WDFY4: variants seen among roughly 807,000 people sequenced by gnomAD.
WDFY4 encodes the protein WDFY family member 4.
Under a neutral mutation model 351.9 loss-of-function variants are expected in WDFY4, and 169 were observed. The observed-to-expected ratio is 0.48, with a 90% CI of 0.42 to 0.55. The LOEUF (loss-of-function observed/expected upper bound fraction) is 0.55. Among genes scored for constraint, WDFY4 ranks in the 20% least tolerant of loss-of-function variants. WDFY4 has a pLI of 0.00. For missense variants in WDFY4, 3,803 were observed against 3,935.6 expected, an observed-to-expected ratio of 0.97 and a Z score of 0.90; for synonymous variants, 1,622 against 1,574.6, an observed-to-expected ratio of 1.03 and a Z score of -0.71.
intron 23 of WDFY4, 58 bp downstream of exon 23, chr10:48,790,975 A>T: frequency 2.0e-6 from 3 of 1,529,920 alleles, no homozygotes; most frequent in Non-Finnish European, 2.7e-6. Context: ...ATCCCTGGGA[A>T]ACAGGGACAA....
Position 48,774,589 on chromosome 10 carries a change from C to A in WDFY4, c.2685C>A (p.Val895=). Residue 895 remains valine (V), a synonymous_variant, in exon 14 of 62, where the codon GTC becomes GTA. Transcript: ENST00000325239. ...TLMASCHRAL[V]TSGSPLHSRL... is the part of the protein sequence containing the mutation. ...TGGCCTCCTGCCACAGGGCCCTGGTCACCAGTGGCAGCCCCCTCCACTCAC... is the reference window on the plus strand; with the variant it reads ...TGGCCTCCTGCCACAGGGCCCTGGTAACCAGTGGCAGCCCCCTCCACTCAC... 6.4e-7 allele frequency: 1 copy of A among 1,551,660 alleles called. No individual in the cohort carries two copies. The highest frequency in any genetic ancestry group is 1.4e-5 in the African/African-American group (1 of 73,192).
intron 47 of WDFY4, among the ~76,000 whole-genome samples, chr10:48,912,643 G>A (rs1838112717): frequency 6.6e-6 from 1 of 152,214 alleles, no homozygotes; most frequent in Non-Finnish European, 1.5e-5. Context: ...GTAAGGTGTT[G>A]ATTTATTGAA....
At chr10:48,966,418 C>A (rs1213969257) in intron 54 of WDFY4, 108 bp from the exon 55 acceptor site, 2 of 1,265,102 alleles carry the variant, frequency 1.6e-6, no homozygotes, top group East Asian at 2.7e-5. Flanking sequence ...CAGGAACAAG[C>A]CGAGCTGTGG....
intron 12 of WDFY4, among the ~76,000 whole-genome samples, chr10:48,754,146 G>A (rs902825953): frequency 6.6e-6 from 1 of 151,534 alleles, no homozygotes; most frequent in African/African-American, 2.4e-5. Flanking sequence ...CTTTTAATAT[G>A]CTGTTGAATT....
chr10:48,799,666 G>A (rs534910023), intron 24 of WDFY4, among the ~76,000 whole-genome samples: 4 of 152,050 alleles, frequency 2.6e-5, no homozygotes, highest in Admixed American at 6.5e-5. Context: ...CCAGCTAGTC[G>A]GGAGGCTGAG....
chr10:48,916,235 A>G (rs1035293099), intron 47 of WDFY4, among the ~76,000 whole-genome samples: 1 of 152,202 alleles, frequency 6.6e-6, no homozygotes, highest in Non-Finnish European at 1.5e-5. Context: ...GGCAGCCCAG[A>G]ACACAAAACT....
chr10:48,878,187 C>T (rs986768460), intron 43 of WDFY4: 2 of 152,326 alleles, frequency 1.3e-5, no homozygotes, highest in Non-Finnish European at 2.9e-5. Flanking sequence ...CTCAGGGTCT[C>T]TGGGTGAATC....
intron 2 of WDFY4, 143 bp from the exon 3 acceptor site, chr10:48,719,867 TG>T (rs2064023076): frequency 4.5e-6 from 3 of 659,988 alleles, no homozygotes; most frequent in Admixed American, 2.3e-5. Flanking sequence ...GCTGTGAGGG[TG>T]GGTGACGTGG....
At chr10:48,982,332 C>G (rs1034583956) in intron 61 of WDFY4, among the ~76,000 whole-genome samples, 177 bp from the exon 62 acceptor site, 4 of 152,060 alleles carry the variant, frequency 2.6e-5, no homozygotes, top group Non-Finnish European at 5.9e-5. Flanking sequence ...TTTCCCCTCC[C>G]CCAGGTGGAA....
intron 1 of WDFY4, among the ~76,000 whole-genome samples, chr10:48,699,094 A>T (rs1462819193): frequency 3.3e-5 from 5 of 152,210 alleles, no homozygotes; most frequent in Non-Finnish European, 7.3e-5. Context: ...ACAGACAGCC[A>T]CGCTCACCTG....
intron 13 of WDFY4, 110 bp downstream of exon 13, chr10:48,760,550 C>T (rs1481389765): frequency 4.7e-6 from 5 of 1,062,756 alleles, no homozygotes; most frequent in East Asian, 2.6e-5. Flanking sequence ...CAGTGCCCTG[C>T]GTTAGCAGAG....
At chr10:48,969,277 C>T (rs1045551395) in intron 56 of WDFY4, 29 bp downstream of exon 56, 1 of 1,547,086 alleles carries the variant, frequency 6.5e-7, no homozygotes, top group Non-Finnish European at 8.7e-7. Flanking sequence ...GCAGGGGCAG[C>T]CTCAGGACCT....
intron 47 of WDFY4, chr10:48,913,704 A>C: frequency 6.2e-7 from 1 of 1,612,088 alleles, no homozygotes; most frequent in Non-Finnish European, 8.5e-7. Flanking sequence ...GTTGTCATGG[A>C]GCCCTACCTC....
At chr10:48,813,922 G>A (rs759010236) in intron 30 of WDFY4, 35 bp from the exon 31 acceptor site, 55 of 1,475,774 alleles carry the variant, frequency 3.7e-5, no homozygotes, top group African/African-American at 2.1e-4. Context: ...GTGAGTAGCC[G>A]CAGGTCTGCT....
At chr10:48,929,399 C>G (rs1294262272) in intron 47 of WDFY4, among the ~76,000 whole-genome samples, 1 of 152,154 alleles carries the variant, frequency 6.6e-6, no homozygotes. Flanking sequence ...CTATTGTGTC[C>G]TGGACTCCAT....
intron 13 of WDFY4, 122 bp from the exon 14 acceptor site, chr10:48,774,336 G>T (rs1033028313): frequency 1.0e-6 from 1 of 983,390 alleles, no homozygotes; most frequent in Admixed American, 2.0e-5. Context: ...TAGTGGGGAT[G>T]GGGTATGGTG....
intron 2 of WDFY4, among the ~76,000 whole-genome samples, chr10:48,719,465 T>C (rs1235103971): frequency 6.6e-6 from 1 of 152,182 alleles, no homozygotes; most frequent in Non-Finnish European, 1.5e-5. Context: ...CTGCTCAACT[T>C]TGTCTGGAAG....
At chr10:48,787,901 TTCTTCTTC>T in intron 20 of WDFY4, among the ~76,000 whole-genome samples, 1 of 31,048 alleles carries the variant, frequency 3.2e-5, no homozygotes, top group South Asian at 1.2e-3. Flanking sequence ...CTCCTTCTTC[TTCTTCTTC>T]TTCTTCTTCT....
intron 22 of WDFY4, 109 bp from the exon 23 acceptor site, chr10:48,790,618 G>C: frequency 7.8e-7 from 1 of 1,278,780 alleles, no homozygotes. Context: ...CTCTGGCTGT[G>C]GATGGATGGT....
Sources: allele counts gnomAD v4.1 joint callset (sites outside exome capture counted in the v4.1 genomes callset), GRCh38; gene constraint gnomAD v4.1.1; transcripts MANE v1.5; gene names NCBI Gene and HGNC (gene_info 2026-07-23, HGNC 2026-07-21).